Variants in HECTD4 observed in about 807,000 individuals in gnomAD.
The protein encoded by HECTD4 is probable E3 ubiquitin-protein ligase HECTD4.
In HECTD4, 114 loss-of-function variants were observed where a neutral mutation model predicts 471.5. The ratio of observed to expected loss-of-function variants is 0.24; its 90% confidence interval spans 0.21 to 0.28. The LOEUF is 0.28. Ranked by LOEUF, HECTD4 falls within the 10% of genes least tolerant of loss-of-function variation. The pLI is 1.00. For missense variants in HECTD4, 3,866 were observed against 5,651.5 expected, an observed-to-expected ratio of 0.68 and a Z score of 10.13; for synonymous variants, 2,012 against 2,256.0, an observed-to-expected ratio of 0.89 and a Z score of 3.07.
At chr12:112,296,060 A>T (rs2035002736) in intron 7 of HECTD4, among the ~76,000 whole-genome samples, 1 of 152,204 alleles carries the variant, frequency 6.6e-6, no homozygotes, top group Non-Finnish European at 1.5e-5. Flanking sequence ...CAGAGGGGGA[A>T]CATACTTGGT....
chr12:112,210,162 G>C lies in HECTD4; in HGVS notation c.7720C>G (p.Leu2574Val), dbSNP rs1428404628. ...AAGTTAGCGCTGATCTCTTCTGCTA[G>C]GTCAGTGCACAGGTCAGCAGCATTG... ...HRNAADLCTD[L>V]AEEISANFEA... Residue 2574 changes from leucine to valine, a missense_variant, in exon 50 of 76, where the codon CTA becomes GTA. Physicochemically the swap from Leu to Val is conservative, Grantham distance 32. Transcript: ENST00000682272. 6.2e-7 allele frequency: 1 copy of C among 1,614,060 alleles called. No homozygotes were observed. Among genetic ancestry groups the C allele is most frequent in the Admixed American group, 1.7e-5 (1 of 60,026 alleles).
rs183630434 is a variant in HECTD4, at chr12:112,271,756, T to C, written c.1943-1297A>G. Among the ~76,000 whole-genome samples, 7 of 151,424 alleles carry C rather than the reference T, an allele frequency of 4.6e-5. No homozygotes were observed. The East Asian group carries it at 1.4e-3, about 29-fold the overall frequency. The stretch of plus-strand genomic sequence containing the variant: ...TTTCTTTTCAAATCTGGAATTTCCA[T>C]TTTTTTTTGTTGTTGTTGTTTTGTT... On this transcript the variant is annotated intron_variant, in intron 11 of 75. Coordinates refer to ENST00000682272, the MANE Select transcript of HECTD4 (RefSeq NM_001388303.1).
intron 54 of HECTD4, 26 bp from the exon 55 acceptor site, chr12:112,200,824 T>C: frequency 6.2e-7 from 1 of 1,601,704 alleles, no homozygotes; most frequent in South Asian, 1.1e-5. Context: ...AAAATGTCTG[T>C]TTGTGCTGTT....
chr12:112,168,480 TA>T (rs2031073460), intron 70 of HECTD4, among the ~76,000 whole-genome samples: 1 of 152,232 alleles, frequency 6.6e-6, no homozygotes, highest in Admixed American at 6.5e-5. Context: ...GGTTTTGTTG[TA>T]AATCTCCTCT....
chr12:112,317,272 C>A (rs1184071244), intron 2 of HECTD4, among the ~76,000 whole-genome samples: 1 of 152,196 alleles, frequency 6.6e-6, no homozygotes, highest in African/African-American at 2.4e-5. Context: ...TCACAAACCA[C>A]AGTTTTAGGG....
intron 7 of HECTD4, among the ~76,000 whole-genome samples, chr12:112,291,566 C>T (rs2034886265): frequency 6.6e-6 from 1 of 151,616 alleles, no homozygotes; most frequent in South Asian, 2.1e-4. Flanking sequence ...TGAGACCCCC[C>T]CATCTTTAAA....
At position 112,187,868 on chromosome 12, in the gene HECTD4, C is replaced by T. The variant is rs570678075; in HGVS notation, c.9473-2375G>A. Reference sequence around the variant, plus strand: ...GTCTTGATCTCCTGACCTCGTGATCCGCCCGCCTTGGCCTCCCAAAGTGCT... The same window carrying T: ...GTCTTGATCTCCTGACCTCGTGATCTGCCCGCCTTGGCCTCCCAAAGTGCT... On this transcript the variant is annotated intron_variant, in intron 60 of 75. Coordinates refer to ENST00000682272, the MANE Select transcript of HECTD4 (RefSeq NM_001388303.1). Among the ~76,000 whole-genome samples, 13 of 151,496 alleles carry T rather than the reference C, an allele frequency of 8.6e-5. No homozygotes were observed. In the South Asian group the frequency reaches 2.3e-3, roughly 27 times the overall value.
chr12:112,308,447 C>CAAAAAAAAAAAA (rs886492353), intron 6 of HECTD4, among the ~76,000 whole-genome samples: 1 of 119,198 alleles, frequency 8.4e-6, no homozygotes. Context: ...AAAAAAAAAA[C>CAAAAAAAAAAAA]AAAAACAAAA....
At chr12:112,317,348 T>G (rs1350476002) in intron 2 of HECTD4, among the ~76,000 whole-genome samples, 1 of 152,120 alleles carries the variant, frequency 6.6e-6, no homozygotes, top group African/African-American at 2.4e-5. Context: ...CTGGTGCCAT[T>G]TTGCCTTAAA....
chr12:112,169,788 T>G lies in HECTD4; in HGVS notation c.12053-130A>C, dbSNP rs747800813. 5.9e-5 allele frequency: 60 copies of G among 1,018,002 alleles called. No homozygotes were observed. The African/African-American group carries it at 7.6e-4, about 13-fold the overall frequency. 63.1% of individuals were successfully genotyped at this position (1,018,002 alleles called of 1,614,324 possible). On this transcript the variant is annotated intron_variant, in intron 69 of 75. Coordinates refer to ENST00000682272, the MANE Select transcript of HECTD4 (RefSeq NM_001388303.1). Reference sequence around the variant, plus strand: ...CCCTGCTCCCTCGCTCGGCCCCCTGTGCCTTCTCTGCCCTCAGAACACCTT... The same window carrying G: ...CCCTGCTCCCTCGCTCGGCCCCCTGGGCCTTCTCTGCCCTCAGAACACCTT...
At chr12:112,240,128 C>T in intron 32 of HECTD4, 101 bp from the exon 33 acceptor site, 1 of 1,207,996 alleles carries the variant, frequency 8.3e-7, no homozygotes, top group Non-Finnish European at 1.2e-6. Flanking sequence ...CTGGATGAAT[C>T]CAGAACTGAA....
Position 112,163,467 on chromosome 12 carries a change from C to T in HECTD4, c.12897+75G>A. The stretch of plus-strand genomic sequence containing the variant: ...GACAGGCCACTGCCGATGCCTGCTG[C>T]TGGAGTTGAGGGTGACAGGGAGGCA... On this transcript the variant is annotated intron_variant, in intron 74 of 75. Transcript: ENST00000682272. The surrounding 1 kb of genome is among the most constrained non-coding windows in gnomAD (Gnocchi z 8.2). The T allele has an allele frequency of 8.5e-6, 11 of 1,295,610 alleles. No individual in the cohort carries two copies. Among genetic ancestry groups the T allele is most frequent in the Non-Finnish European group, 1.1e-5 (11 of 959,300 alleles). 80.3% of individuals were successfully genotyped at this position (1,295,610 alleles called of 1,614,324 possible).
chr12:112,167,183 GC>G lies in HECTD4; in HGVS notation c.12534+133del, dbSNP rs2031001407. ...ATGAAATAAGCCTTCCTGGCACATG[GC>G]TCACACCCCTAAGGTCCTCTGTGGG... On this transcript the variant is annotated intron_variant, in intron 72 of 75. Transcript: ENST00000682272. The G allele has an allele frequency of 7.1e-6, 5 of 700,426 alleles. No homozygotes were observed. In the Admixed American group the frequency reaches 1.3e-4, roughly 18 times the overall value. 43.4% of individuals were successfully genotyped at this position (700,426 alleles called of 1,614,324 possible).
In HECTD4 at chr12:112,243,791, A is replaced by G; in HGVS notation, c.4650-30T>C. 1 of 1,609,696 alleles carries G rather than the reference A, an allele frequency of 6.2e-7. No homozygotes were observed. The highest frequency in any genetic ancestry group is 1.1e-5 in the South Asian group (1 of 90,888). Reference sequence around the variant, plus strand: ...GGGGAACACAGAACAGACTGGCAAGACGAGAAACACACTCAGGGAGCTTGT... The same window carrying G: ...GGGGAACACAGAACAGACTGGCAAGGCGAGAAACACACTCAGGGAGCTTGT... On this transcript the variant is annotated intron_variant, in intron 30 of 75. Transcript: ENST00000682272. This position sits in a 1 kb window ranked among gnomAD's most constrained non-coding sequence, Gnocchi z 6.6.
intron 4 of HECTD4, among the ~76,000 whole-genome samples, chr12:112,311,365 G>C (rs910544497): frequency 6.6e-6 from 1 of 151,950 alleles, no homozygotes; most frequent in African/African-American, 2.4e-5. Flanking sequence ...GGGAGGCTGA[G>C]GTGGTGGGAG....
rs1485417507 is a variant in HECTD4 at position 112,162,218 on chromosome 12, A to G, written c.*169T>C. 1 of 673,016 alleles carries G rather than the reference A, an allele frequency of 1.5e-6. No individual in the cohort carries two copies. The highest frequency in any genetic ancestry group is 2.5e-6 in the Non-Finnish European group (1 of 397,132). 41.7% of individuals were successfully genotyped at this position (673,016 alleles called of 1,614,324 possible). A position where few individuals can be genotyped will look rare whatever the true frequency, so the allele number is the denominator to read the frequency against. ...CCAACCCATCACGAAACGTACAAAGACAAAAGGTTAAGTCTTCCAGGAGGC... is the reference window on the plus strand; with the variant it reads ...CCAACCCATCACGAAACGTACAAAGGCAAAAGGTTAAGTCTTCCAGGAGGC... On this transcript the variant is annotated 3_prime_UTR_variant, in exon 76 of 76. Transcript: ENST00000682272. The surrounding 1 kb of genome is among the most constrained non-coding windows in gnomAD (Gnocchi z 5.2).
intron 1 of HECTD4, among the ~76,000 whole-genome samples, chr12:112,327,313 T>C (rs2035765784): frequency 6.6e-6 from 1 of 151,760 alleles, no homozygotes; most frequent in Admixed American, 6.6e-5. Flanking sequence ...CAAAACTCCA[T>C]CTCGGGGAGG....
rs1593896188 is a variant in HECTD4 at position 112,175,718 on chromosome 12, G to A, written c.11594+18C>T. 4 of 1,609,342 alleles carry A rather than the reference G, an allele frequency of 2.5e-6. No individual in the cohort carries two copies. The highest frequency in any genetic ancestry group is 2.5e-6 in the Non-Finnish European group (3 of 1,177,708). ...TTCTATGCAAGGTGCCAACTGAGTC[G>A]AGGGGTAACCCTCTTACCTCTCAAA... On this transcript the variant is annotated intron_variant, in intron 66 of 75. Transcript: ENST00000682272.
chr12:112,350,564 A>C (rs1222792393), intron 1 of HECTD4, among the ~76,000 whole-genome samples: 1 of 152,216 alleles, frequency 6.6e-6, no homozygotes, highest in Non-Finnish European at 1.5e-5. Flanking sequence ...GAAGTCAAAC[A>C]GGCCCTCCCC....
Sources: allele counts gnomAD v4.1 joint callset (sites outside exome capture counted in the v4.1 genomes callset), GRCh38; gene constraint gnomAD v4.1.1; non-coding constraint Gnocchi (gnomAD v3.1); transcripts MANE v1.5; gene names NCBI Gene and HGNC (gene_info 2026-07-23, HGNC 2026-07-21).